The following ITGA8 variants were observed in gnomAD, a reference collection of about 807,000 sequenced individuals.
ITGA8 encodes integrin alpha-8.
In ITGA8, 91 loss-of-function variants were observed where a neutral mutation model predicts 142.3. The ratio of observed to expected loss-of-function variants is 0.64; its 90% CI spans 0.54 to 0.76. The LOEUF (loss-of-function observed/expected upper bound fraction) is 0.76, where lower values mean the gene tolerates loss of function less well. Among genes scored for constraint, ITGA8 ranks in the 30% least tolerant of loss-of-function variants. ITGA8 has a pLI of 0.00. For missense variants in ITGA8, 1,406 were observed against 1,327.7 expected (o/e 1.06, Z -0.92); for synonymous variants, 505 against 485.2 (o/e 1.04, Z -0.54).
intron 13 of ITGA8, among the ~76,000 whole-genome samples, chr10:15,640,099 G>A (rs1833844095): frequency 6.6e-6 from 1 of 152,202 alleles, no homozygotes; most frequent in Admixed American, 6.5e-5. Context: ...CAAGAGAACT[G>A]CAACCGCTTG....
intron 15 of ITGA8, chr10:15,611,528 G>C (rs1451720903): frequency 1.5e-5 from 2 of 129,284 alleles, no homozygotes; most frequent in African/African-American, 6.0e-5. Context: ...GTCTCCCTCT[G>C]TCACCCAGGC....
chr10:15,712,728 G>A (rs1376415263), intron 2 of ITGA8, among the ~76,000 whole-genome samples: 1 of 152,188 alleles, frequency 6.6e-6, no homozygotes, highest in East Asian at 1.9e-4. Flanking sequence ...GCAATTCCCA[G>A]ATACAAGACT....
chr10:15,534,776 G>C (rs1057170557), intron 27 of ITGA8, among the ~76,000 whole-genome samples: 1 of 152,102 alleles, frequency 6.6e-6, no homozygotes, highest in African/African-American at 2.4e-5. Flanking sequence ...TGGGGTGCTA[G>C]CAAATAATAG....
intron 1 of ITGA8, among the ~76,000 whole-genome samples, chr10:15,719,258 G>A (rs1288030850): frequency 6.6e-6 from 1 of 152,200 alleles, no homozygotes; most frequent in Non-Finnish European, 1.5e-5. Context: ...CTGTGGTGGC[G>A]GTTTTAACTG....
At chr10:15,634,902 G>C (rs1833744674) in intron 13 of ITGA8, among the ~76,000 whole-genome samples, 1 of 151,852 alleles carries the variant, frequency 6.6e-6, no homozygotes. Flanking sequence ...GAGTTTATAA[G>C]GGTCTACTAT....
chr10:15,523,812 G>C (rs535539867), intron 28 of ITGA8, among the ~76,000 whole-genome samples: 14 of 150,830 alleles, frequency 9.3e-5, no homozygotes, highest in Admixed American at 9.3e-4. Flanking sequence ...CATACCTGTA[G>C]TCTCGGCTGC....
chr10:15,526,723 C>T (rs1013147723), intron 28 of ITGA8, among the ~76,000 whole-genome samples: 4 of 152,108 alleles, frequency 2.6e-5, no homozygotes, highest in African/African-American at 9.7e-5. Flanking sequence ...TTAAAAATAG[C>T]TTTAAGTAAG....
Position 15,616,511 on chromosome 10 carries a change from T to C in ITGA8, c.1445+3A>G. The C allele has an allele frequency of 1.9e-6, 3 of 1,606,050 alleles. No homozygotes were observed. The highest frequency in any genetic ancestry group is 2.6e-6 in the Non-Finnish European group (3 of 1,173,778). ...AAACATTTGAATACTACCAACCACA[T>C]ACCTGTAAACAGCGACTTTTCCTGT... On this transcript the variant is annotated splice_donor_region_variant and intron_variant, in intron 14 of 29. Coordinates refer to ENST00000378076, the MANE Select transcript of ITGA8 (RefSeq NM_003638.3).
intron 20 of ITGA8, among the ~76,000 whole-genome samples, chr10:15,603,057 C>A (rs1412194785): frequency 6.6e-6 from 1 of 151,458 alleles, no homozygotes; most frequent in Non-Finnish European, 1.5e-5. Flanking sequence ...TTATACATTT[C>A]TTCAACAGAT....
chr10:15,624,091 C>T (rs1242799875), intron 13 of ITGA8, among the ~76,000 whole-genome samples: 1 of 152,156 alleles, frequency 6.6e-6, no homozygotes, highest in Admixed American at 6.5e-5. Flanking sequence ...GCTTAGGGAA[C>T]CCTGAGGTTT....
At chr10:15,536,811 T>C (rs1833447897) in intron 27 of ITGA8, among the ~76,000 whole-genome samples, 1 of 152,218 alleles carries the variant, frequency 6.6e-6, no homozygotes, top group Non-Finnish European at 1.5e-5. Flanking sequence ...ATAGGCATGG[T>C]ACCAATAAAA....
chr10:15,543,264 G>A (rs1833606089), intron 27 of ITGA8, among the ~76,000 whole-genome samples: 1 of 152,204 alleles, frequency 6.6e-6, no homozygotes, highest in Non-Finnish European at 1.5e-5. Flanking sequence ...AATAGACTCT[G>A]TCTAATGTTA....
rs768304890 is a variant in ITGA8, at chr10:15,644,094, A to G, written c.1335T>C (p.Ala445=). The change falls in exon 13 of 30, where the codon GCT becomes GCC. Residue 445 remains alanine, a synonymous_variant. Coordinates refer to ENST00000378076, the MANE Select transcript of ITGA8 (RefSeq NM_003638.3). The part of the protein sequence containing the change: ...QVLQGVWASH[A]VPSGFGFTLR... ...AAGTAAAGCCAAATCCGGAAGGGAC[A>G]GCATGTGAGGCCCACACTCCTTGCA... The G allele has an allele frequency of 8.1e-6, 13 of 1,614,014 alleles. No homozygotes were observed. The South Asian group carries it at 1.4e-4, about 18-fold the overall frequency.
At chr10:15,534,339 A>G (rs1036010311) in intron 27 of ITGA8, among the ~76,000 whole-genome samples, 4 of 152,172 alleles carry the variant, frequency 2.6e-5, no homozygotes, top group African/African-American at 9.7e-5. Context: ...GAAGGTTCAC[A>G]TTGTTGTTTA....
rs188564746 is a variant in ITGA8, at chr10:15,658,238, G to A, written c.948+761C>T. Among the ~76,000 whole-genome samples, 247 of 152,336 alleles carry A rather than the reference G, an allele frequency of 1.6e-3. 1 individual carries two copies. Among genetic ancestry groups the A allele is most frequent in the Non-Finnish European group, 2.0e-3 (133 of 68,030 alleles). The stretch of plus-strand genomic sequence containing the variant: ...TCTCACACAGTTCATGAGCGGTGCG[G>A]TGGGAACTGGAAGTCTAATCTGTCA... On this transcript the variant is annotated intron_variant, in intron 10 of 29. Coordinates refer to ENST00000378076, the MANE Select transcript of ITGA8 (RefSeq NM_003638.3).
At chr10:15,580,562 T>C (rs1588656535) in intron 23 of ITGA8, among the ~76,000 whole-genome samples, 1 of 152,084 alleles carries the variant, frequency 6.6e-6, no homozygotes, top group East Asian at 1.9e-4. Flanking sequence ...TCCCAGAGTA[T>C]CTAAAAAGGA....
At chr10:15,545,148 T>A (rs1833644515) in intron 27 of ITGA8, among the ~76,000 whole-genome samples, 1 of 152,214 alleles carries the variant, frequency 6.6e-6, no homozygotes, top group Non-Finnish European at 1.5e-5. Context: ...AATAGATAAC[T>A]AATACAGGGT....
At chr10:15,530,048 GT>G (rs1190168659) in intron 28 of ITGA8, among the ~76,000 whole-genome samples, 3 of 152,138 alleles carry the variant, frequency 2.0e-5, no homozygotes, top group African/African-American at 7.2e-5. Context: ...TCCTAATATT[GT>G]TTTTTGGAGC....
chr10:15,662,676 T>G (rs1197872568), intron 8 of ITGA8, among the ~76,000 whole-genome samples: 1 of 152,184 alleles, frequency 6.6e-6, no homozygotes, highest in East Asian at 1.9e-4. Context: ...AGGAAAAATT[T>G]AGATCCTTGA....
Sources: allele counts gnomAD v4.1 joint callset (sites outside exome capture counted in the v4.1 genomes callset), GRCh38; gene constraint gnomAD v4.1.1; transcripts MANE v1.5; gene names NCBI Gene and HGNC (gene_info 2026-07-23, HGNC 2026-07-21).